The following PIBF1 variants were observed in gnomAD, a reference collection of about 807,000 sequenced individuals.
The protein encoded by PIBF1 is progesterone-induced-blocking factor 1.
Under a neutral mutation model 112.5 loss-of-function variants are expected in PIBF1, and 90 were observed. The observed-to-expected ratio is 0.80, with a 90% CI of 0.67 to 0.95. The LOEUF is 0.95. PIBF1 is among the 40% of genes least tolerant of loss of function. The pLI, the probability that PIBF1 is intolerant of heterozygous loss-of-function variation, is 0.00. For missense variants in PIBF1, 915 were observed against 852.3 expected (o/e 1.07, Z -0.92); for synonymous variants, 301 against 288.6 (o/e 1.04, Z -0.44).
chr13:72,900,913 T>G (rs543858156), intron 11 of PIBF1, among the ~76,000 whole-genome samples: 5 of 152,228 alleles, frequency 3.3e-5, no homozygotes, highest in African/African-American at 9.6e-5. Flanking sequence ...TCCCAGCTAC[T>G]GGGGAGGCTG....
chr13:72,908,120 T>C (rs1278259707), intron 11 of PIBF1, among the ~76,000 whole-genome samples: 1 of 152,180 alleles, frequency 6.6e-6, no homozygotes, highest in Non-Finnish European at 1.5e-5. Context: ...TGATGGAAAA[T>C]TGAAGGATTT....
chr13:72,848,199 C>T (rs530979231), intron 9 of PIBF1, among the ~76,000 whole-genome samples: 8 of 152,266 alleles, frequency 5.3e-5, no homozygotes, highest in African/African-American at 9.6e-5. Context: ...CAGGCTCAGA[C>T]GTATTCCTTG....
At position 73,014,422 on chromosome 13, in the gene PIBF1, A is replaced by G. The variant is rs1384150402; in HGVS notation, c.2224-1447A>G. ...CTCATGAATGTAGATGCAAAAATCT[A>G]TGAGGATTTCTAGGGCAGTGAAAAT... On this transcript the variant is annotated intron_variant, in intron 17 of 17. Coordinates refer to ENST00000326291, the MANE Select transcript of PIBF1 (RefSeq NM_006346.4). Among the ~76,000 whole-genome samples, 3 of 152,196 alleles carry G rather than the reference A, an allele frequency of 2.0e-5. No homozygotes were observed. In the East Asian group the frequency reaches 5.8e-4, roughly 29 times the overall value.
chr13:72,833,216 C>CT (rs2037202431), intron 8 of PIBF1, among the ~76,000 whole-genome samples: 1 of 152,148 alleles, frequency 6.6e-6, no homozygotes, highest in Non-Finnish European at 1.5e-5. Context: ...TTAGAACATG[C>CT]TCCTTTAGCT....
intron 11 of PIBF1, among the ~76,000 whole-genome samples, chr13:72,905,346 G>C (rs146330168): frequency 6.6e-6 from 1 of 151,992 alleles, no homozygotes; most frequent in African/African-American, 2.4e-5. Flanking sequence ...GATTACCGGC[G>C]TGAGCCACCA....
intron 13 of PIBF1, among the ~76,000 whole-genome samples, chr13:72,929,393 T>C (rs1237860677): frequency 2.0e-5 from 3 of 152,146 alleles, no homozygotes; most frequent in Admixed American, 6.6e-5. Context: ...AATATAGTCA[T>C]AAACTGTAAA....
intron 17 of PIBF1, among the ~76,000 whole-genome samples, chr13:73,001,456 A>G (rs2043862671): frequency 6.6e-6 from 1 of 151,950 alleles, no homozygotes; most frequent in South Asian, 2.1e-4. Context: ...TCAGTGATGG[A>G]TGGGTGGATG....
chr13:72,953,031 A>G (rs2042345152), intron 14 of PIBF1, among the ~76,000 whole-genome samples: 1 of 152,136 alleles, frequency 6.6e-6, no homozygotes, highest in South Asian at 2.1e-4. Flanking sequence ...CAGAGCTCCC[A>G]GCCTTGACAG....
At chr13:72,797,883 C>G (rs771208130) in intron 4 of PIBF1, 24 bp from the exon 5 acceptor site, 1 of 1,553,496 alleles carries the variant, frequency 6.4e-7, no homozygotes, top group South Asian at 1.2e-5. Flanking sequence ...TTTAAGACTG[C>G]TTATTAATTT....
At chr13:72,818,118 A>AT (rs1182563314) in intron 5 of PIBF1, among the ~76,000 whole-genome samples, 27 of 152,092 alleles carry the variant, frequency 1.8e-4, no homozygotes, top group African/African-American at 6.0e-4. Flanking sequence ...CTGTATATTT[A>AT]TTCTTCCATG....
intron 10 of PIBF1, among the ~76,000 whole-genome samples, chr13:72,875,492 A>T (rs1015126213): frequency 9.1e-6 from 1 of 109,962 alleles, no homozygotes; most frequent in Non-Finnish European, 2.4e-5. Context: ...GTGTGGGGGA[A>T]AAAAAAAAGA....
At chr13:72,920,415 T>C (rs1215328628) in intron 13 of PIBF1, among the ~76,000 whole-genome samples, 1 of 152,220 alleles carries the variant, frequency 6.6e-6, no homozygotes, top group Non-Finnish European at 1.5e-5. Flanking sequence ...TCAACAACTT[T>C]TATTGAGTGC....
intron 5 of PIBF1, among the ~76,000 whole-genome samples, chr13:72,818,852 A>AC (rs1182591636): frequency 1.3e-5 from 2 of 151,928 alleles, no homozygotes; most frequent in Non-Finnish European, 2.9e-5. Flanking sequence ...CCTCAAATGG[A>AC]CCCACACAAT....
chr13:72,860,337 G>A (rs1375750393), intron 10 of PIBF1, among the ~76,000 whole-genome samples: 1 of 151,622 alleles, frequency 6.6e-6, no homozygotes, highest in African/African-American at 2.4e-5. Flanking sequence ...GTGTGTGTGT[G>A]TGTGTGTGTG....
intron 13 of PIBF1, among the ~76,000 whole-genome samples, chr13:72,927,281 G>A (rs999896487): frequency 4.6e-5 from 7 of 152,152 alleles, no homozygotes; most frequent in African/African-American, 1.2e-4. Context: ...CGAGGTGGGC[G>A]GATCACGAGG....
intron 8 of PIBF1, among the ~76,000 whole-genome samples, chr13:72,833,151 C>T (rs2037198619): frequency 6.6e-6 from 1 of 152,176 alleles, no homozygotes; most frequent in South Asian, 2.1e-4. Flanking sequence ...ACTGGTTATT[C>T]TAGTTAGCAA....
chr13:72,917,091 A>T lies in PIBF1; in HGVS notation c.1655A>T (p.Glu552Val), dbSNP rs2041128862. ...TATTTTCCAGTTGAAAATGAAGATG[A>T]GGCTGAAAGGGTTCTTTTTTCCTAC... ...MQTAEIENED[E>V]AERVLFSYGY... Residue 552 changes from glutamate (E) to valine (V), a missense_variant, in exon 13 of 18, where the codon GAG becomes GTG. Glu to Val is a moderately radical substitution (Grantham distance 121, BLOSUM62 -2). Coordinates refer to ENST00000326291, the MANE Select transcript of PIBF1 (RefSeq NM_006346.4). 6.3e-7 allele frequency: 1 copy of T among 1,584,276 alleles called. No homozygotes were observed. Among genetic ancestry groups the T allele is most frequent in the Non-Finnish European group, 8.6e-7 (1 of 1,165,260 alleles).
rs954026105 is a variant in PIBF1, at chr13:72,928,002, T to C, written c.1731-3163T>C. ...ACATATATATATACACACACATATA[T>C]ATACATATATATACATATATATACA... On this transcript the variant is annotated intron_variant, in intron 13 of 17. Coordinates refer to ENST00000326291, the MANE Select transcript of PIBF1 (RefSeq NM_006346.4). Among the ~76,000 whole-genome samples, 135 of 49,748 alleles carry C rather than the reference T, an allele frequency of 2.7e-3. 6 individuals carry two copies. The highest frequency in any genetic ancestry group is 0.013 in the African/African-American group (118 of 8,748). 32.6% of individuals were successfully genotyped at this position (49,748 alleles called of 152,430 possible).
intron 10 of PIBF1, chr13:72,884,573 T>C (rs976118844): frequency 1.3e-5 from 2 of 152,350 alleles, no homozygotes; most frequent in Admixed American, 1.3e-4. Flanking sequence ...AATTAGAGTT[T>C]GTTTAATTAA....
Sources: allele counts gnomAD v4.1 joint callset (sites outside exome capture counted in the v4.1 genomes callset), GRCh38; gene constraint gnomAD v4.1.1; transcripts MANE v1.5; gene names NCBI Gene and HGNC (gene_info 2026-07-23, HGNC 2026-07-21).